Variants in MORN4 observed in about 807,000 individuals in gnomAD.
The protein encoded by MORN4 is MORN repeat-containing protein 4.
A neutral mutation model predicts 16.4 loss-of-function variants in MORN4; 8 were observed. That is an observed-to-expected ratio of 0.49 (90% CI 0.29 to 0.88). MORN4 has a LOEUF of 0.88. Among genes scored for constraint, MORN4 ranks in the 40% least tolerant of loss-of-function variants. MORN4 has a pLI of 0.09. For missense variants in MORN4, 159 were observed against 182.9 expected, an observed-to-expected ratio of 0.87 and a Z score of 0.75; for synonymous variants, 53 against 68.9, an observed-to-expected ratio of 0.77 and a Z score of 1.14.
upstream of MORN4, among the ~76,000 whole-genome samples, chr10:97,633,903 C>T (rs1187805396): frequency 6.6e-6 from 1 of 152,208 alleles, no homozygotes; most frequent in East Asian, 1.9e-4. This position sits in a 1 kb window ranked among gnomAD's most constrained non-coding sequence, Gnocchi z 4.5. Flanking sequence ...CCTCCAATAA[C>T]TCTGTGCTAG....
Position 97,629,149 on chromosome 10 carries a change from A to T in MORN4, c.-31+4198T>A, listed in dbSNP as rs554273311. ...ATGCCTGTAATCCTAGCATTTTGGG[A>T]GGCCGAGGCGGACGGATCACCTGAG... On this transcript the variant is annotated intron_variant, in intron 1 of 4. Transcript: ENST00000307450. Among the ~76,000 whole-genome samples, 119 of 152,148 alleles carry T rather than the reference A, an allele frequency of 7.8e-4. 1 individual carries two copies. The highest frequency in any genetic ancestry group is 1.1e-3 in the Non-Finnish European group (75 of 68,018).
At position 97,615,808 on chromosome 10, in the gene MORN4, C is replaced by G. The variant is rs753064617; in HGVS notation, c.*455G>C. On this transcript the variant is annotated 3_prime_UTR_variant, in exon 5 of 5. Coordinates refer to ENST00000307450, the MANE Select transcript of MORN4 (RefSeq NM_178832.4). ...CCTTGACTTTCACAGGGCTGCTGTA[C>G]TGAGCCACCCCTATCTTTTCCCTAT... The G allele has an allele frequency of 6.6e-6, 1 of 152,348 alleles. No individual in the cohort carries two copies. The highest frequency in any genetic ancestry group is 1.5e-5 in the Non-Finnish European group (1 of 68,218). The allele number at this position is 152,348 out of a possible 1,614,324, so 9.4% of individuals were successfully genotyped here.
chr10:97,625,582 C>T (rs983198701), intron 1 of MORN4, among the ~76,000 whole-genome samples: 1 of 152,132 alleles, frequency 6.6e-6, no homozygotes, highest in Non-Finnish European at 1.5e-5. Flanking sequence ...ATGAAAACTT[C>T]TCTAGGTCTT....
At chr10:97,622,854 C>G (rs1001906857) in intron 1 of MORN4, among the ~76,000 whole-genome samples, 1 of 118,910 alleles carries the variant, frequency 8.4e-6, no homozygotes, top group Non-Finnish European at 1.7e-5. Context: ...ATCCCTTCAT[C>G]TTTCATTTAT....
Position 97,616,338 on chromosome 10 carries a change from C to T in MORN4, c.366G>A (p.Leu122=), listed in dbSNP as rs2041235838. 7 of 1,613,320 alleles carry T rather than the reference C, an allele frequency of 4.3e-6. No individual in the cohort carries two copies. Among genetic ancestry groups the T allele is most frequent in the Non-Finnish European group, 5.1e-6 (6 of 1,179,656 alleles). The change falls in exon 5 of 5, where the codon CTG becomes CTA. Residue 122 remains leucine (L), a synonymous_variant. Coordinates refer to ENST00000307450, the MANE Select transcript of MORN4 (RefSeq NM_178832.4). ...NEGLFENNKL[L]RREKCSAIVQ... ...CAATGGCAGAACACTTCTCACGTCGCAGCAGCTTGTTGTTCTCAAAGAGAC... is the reference window on the plus strand; with the variant it reads ...CAATGGCAGAACACTTCTCACGTCGTAGCAGCTTGTTGTTCTCAAAGAGAC...
At chr10:97,633,578 TC>T, upstream of MORN4, 3 of 1,289,810 alleles carry the variant, frequency 2.3e-6, no homozygotes, top group Non-Finnish European at 2.0e-6. The surrounding 1 kb of genome is among the most constrained non-coding windows in gnomAD (Gnocchi z 4.5). Flanking sequence ...CCAGCCCGGC[TC>T]CACGCCATCT....
At chr10:97,620,488 C>CAAAAAA (rs1210683127) in intron 1 of MORN4, among the ~76,000 whole-genome samples, 21 of 41,140 alleles carry the variant, frequency 5.1e-4, no homozygotes, top group East Asian at 2.9e-3. Context: ...GACTCTGTCT[C>CAAAAAA]AAAAAAAAAA....
At chr10:97,622,769 G>A (rs1282443904) in intron 1 of MORN4, among the ~76,000 whole-genome samples, 1 of 150,324 alleles carries the variant, frequency 6.7e-6, no homozygotes, top group Non-Finnish European at 1.5e-5. Flanking sequence ...ATAAACAGAG[G>A]CAAATAGTAC....
chr10:97,616,803 G>C lies in MORN4; in HGVS notation c.183-16C>G, dbSNP rs759544049. The C allele has an allele frequency of 2.4e-5, 38 of 1,571,996 alleles. No homozygotes were observed. Among genetic ancestry groups the C allele is most frequent in the Non-Finnish European group, 3.2e-5 (36 of 1,141,824 alleles). On this transcript the variant is annotated splice_polypyrimidine_tract_variant and intron_variant, in intron 3 of 4. Transcript: ENST00000307450. ...CCCCTCATACCTGCAGAAACACCAA[G>C]AAGTTAGCCTTCAGTGGAAAGTTAG... is the stretch of plus-strand genomic sequence containing the variant.
intron 1 of MORN4, among the ~76,000 whole-genome samples, chr10:97,620,479 ACT>A (rs1489372891): frequency 7.7e-6 from 1 of 129,990 alleles, no homozygotes; most frequent in Non-Finnish European, 1.6e-5. Context: ...ACGGAGCAAG[ACT>A]CTGTCTCAAA....
intron 1 of MORN4, among the ~76,000 whole-genome samples, chr10:97,624,782 G>A (rs1049999488): frequency 6.6e-6 from 1 of 151,954 alleles, no homozygotes; most frequent in South Asian, 2.1e-4. Flanking sequence ...GCAATGGCGC[G>A]ATCTTTGCTC....
intron 4 of MORN4, 64 bp from the exon 5 acceptor site, chr10:97,616,475 A>G (rs1706559672): frequency 1.3e-6 from 2 of 1,520,752 alleles, no homozygotes; most frequent in Non-Finnish European, 1.8e-6. Flanking sequence ...GATGAGACAT[A>G]TCTTTGGCCT....
intron 1 of MORN4, among the ~76,000 whole-genome samples, chr10:97,628,448 C>T (rs1289735690): frequency 6.6e-6 from 1 of 152,124 alleles, no homozygotes; most frequent in Admixed American, 6.6e-5. Flanking sequence ...TATAAGATTG[C>T]TGAAAGAAGG....
At chr10:97,625,597 C>T (rs2135740237) in intron 1 of MORN4, among the ~76,000 whole-genome samples, 1 of 152,260 alleles carries the variant, frequency 6.6e-6, no homozygotes, top group Non-Finnish European at 1.5e-5. Context: ...GGTCTTTCCT[C>T]AGTAAAAACT....
chr10:97,630,742 A>G (rs187891192), intron 1 of MORN4, among the ~76,000 whole-genome samples: 39 of 152,370 alleles, frequency 2.6e-4, no homozygotes, highest in Admixed American at 2.1e-3. Flanking sequence ...TAACCATGCT[A>G]ATGAATAGCT....
chr10:97,616,385 G>A lies in MORN4; in HGVS notation c.319C>T (p.His107Tyr), dbSNP rs775545530. 1.2e-6 allele frequency: 2 copies of A among 1,609,450 alleles called. No homozygotes were observed. Among genetic ancestry groups the A allele is most frequent in the South Asian group, 2.2e-5 (2 of 90,390 alleles). The change falls in exon 5 of 5, where the codon CAT (histidine) becomes TAT (tyrosine). Residue 107 changes from histidine to tyrosine, a missense_variant. By Grantham distance (83) the His-to-Tyr change is moderately conservative. Transcript: ENST00000307450. ...AGACCTTCATTGCGGGGGATTCCAT[G>A]AGAACCATCAGGGAAAGTCAGCAGG... ...FGLLTFPDGS[H>Y]GIPRNEGLFE...
intron 1 of MORN4, among the ~76,000 whole-genome samples, chr10:97,628,390 C>T (rs980729853): frequency 2.0e-5 from 3 of 152,038 alleles, no homozygotes; most frequent in African/African-American, 7.2e-5. Context: ...CTCAAGGCTA[C>T]GTGAAACTTC....
chr10:97,622,302 G>T (rs2041304420), intron 1 of MORN4, among the ~76,000 whole-genome samples: 1 of 152,170 alleles, frequency 6.6e-6, no homozygotes. Context: ...GAACAACTGG[G>T]GGGATACATC....
At chr10:97,628,648 C>T (rs2041369891) in intron 1 of MORN4, among the ~76,000 whole-genome samples, 1 of 152,094 alleles carries the variant, frequency 6.6e-6, no homozygotes, top group South Asian at 2.1e-4. Flanking sequence ...ATTCTCGTGC[C>T]TCAGCCTCCT....
Sources: gnomAD v4.1 joint callset for allele counts (sites outside exome capture counted in the v4.1 genomes callset) on GRCh38, gnomAD v4.1.1 for gene constraint, Gnocchi (gnomAD v3.1) non-coding constraint, MANE v1.5 for transcripts, NCBI Gene and HGNC (gene_info 2026-07-23, HGNC 2026-07-21) for gene names.